MIB1: variants seen among roughly 807,000 people sequenced by gnomAD.
The protein encoded by MIB1 is MIB E3 ubiquitin protein ligase 1.
Under a neutral mutation model 124.5 loss-of-function variants are expected in MIB1, and 278 were observed. The observed-to-expected ratio is 2.23, with a 90% CI of 2.02 to 2.47. The LOEUF (loss-of-function observed/expected upper bound fraction) is 2.47, where lower values mean the gene tolerates loss of function less well. Among genes scored for constraint, MIB1 ranks in the 30% most tolerant of loss-of-function variants. The probability of loss-of-function intolerance (pLI) is 0.00; values close to 1 mark genes in which losing one functional copy is unlikely to be tolerated. For synonymous variants in MIB1, 446 were observed against 429.4 expected, an observed-to-expected ratio of 1.04 and a Z score of -0.48; for missense variants, 957 against 1,254.4, an observed-to-expected ratio of 0.76 and a Z score of 3.58.
rs376984910 is a variant in MIB1, at chr18:21,734,562, T to C, written n.167+29439T>C. On this transcript the variant is annotated intron_variant and non_coding_transcript_variant, in intron 1 of 20. Coordinates refer to the MIB1 transcript ENST00000578646. ...TTCTTTCTTTCTCACAGAGGCTTGC[T>C]CTGTCACCCAGGCTGGAGTGCAGTG... 1.6e-4 allele frequency among the ~76,000 whole-genome samples: 25 copies of C among 151,900 alleles called. No individual in the cohort carries two copies. The Middle Eastern group carries it at 0.017, about 103-fold the overall frequency.
intron 4 of MIB1, 54 bp from the exon 5 acceptor site, chr18:21,778,049 C>T (rs2146423819): frequency 8.3e-7 from 1 of 1,207,714 alleles, no homozygotes; most frequent in Non-Finnish European, 1.2e-6. Context: ...GTTTCAGATA[C>T]TGAGCCATAT....
At chr18:21,863,364 C>T (rs1214761396) in intron 20 of MIB1, among the ~76,000 whole-genome samples, 1 of 152,158 alleles carries the variant, frequency 6.6e-6, no homozygotes, top group African/African-American at 2.4e-5. Flanking sequence ...TCGGTGTGTC[C>T]CGAGCTCTTG....
intron 12 of MIB1, among the ~76,000 whole-genome samples, chr18:21,821,967 C>G (rs1222010947): frequency 6.6e-6 from 1 of 152,174 alleles, no homozygotes; most frequent in African/African-American, 2.4e-5. Flanking sequence ...ATGTGCACTT[C>G]TGTCTTTCTC....
chr18:21,711,667 G>C (rs1233100953), intron 1 of MIB1, among the ~76,000 whole-genome samples: 3 of 152,088 alleles, frequency 2.0e-5, no homozygotes, highest in African/African-American at 7.2e-5. Context: ...CTCACGACTT[G>C]TGTCACTTTG....
intron 1 of MIB1, among the ~76,000 whole-genome samples, chr18:21,708,783 A>C (rs1324543636): frequency 6.6e-6 from 1 of 152,228 alleles, no homozygotes; most frequent in Non-Finnish European, 1.5e-5. Context: ...GGATCCAATC[A>C]TAATAATACT....
chr18:21,752,632 T>A (rs1409523813), intron 1 of MIB1, among the ~76,000 whole-genome samples: 4 of 152,204 alleles, frequency 2.6e-5, no homozygotes, highest in Non-Finnish European at 4.4e-5. Flanking sequence ...AATTATAGTA[T>A]GTATTAATGA....
At chr18:21,756,981 A>G (rs1271241451) in intron 1 of MIB1, among the ~76,000 whole-genome samples, 2 of 152,170 alleles carry the variant, frequency 1.3e-5, no homozygotes, top group Admixed American at 6.5e-5. Context: ...CAGAAAAGGT[A>G]TGAAGGAGTT....
At chr18:21,830,826 A>G (rs2041972322) in intron 12 of MIB1, 1 of 152,108 alleles carries the variant, frequency 6.6e-6, no homozygotes, top group Admixed American at 6.6e-5. Flanking sequence ...ACAAACGAGC[A>G]AACAAAAAAC....
Position 21,796,990 on chromosome 18 carries a change from G to A in MIB1, c.1093-1094G>A, listed in dbSNP as rs753412883. The stretch of plus-strand genomic sequence containing the variant: ...AAAAACATGTACTTGTGGACTTTAT[G>A]TGGATCTTGATTTAAACAAACAAAA... On this transcript the variant is annotated intron_variant, in intron 7 of 20. Coordinates refer to ENST00000261537, the MANE Select transcript of MIB1 (RefSeq NM_020774.4). Among the ~76,000 whole-genome samples the A allele has an allele frequency of 3.3e-5, 5 of 152,120 alleles. 1 individual carries two copies. In the South Asian group the frequency reaches 6.2e-4, roughly 19 times the overall value.
intron 20 of MIB1, among the ~76,000 whole-genome samples, chr18:21,859,028 C>T (rs1941970): frequency 0.99 from 150,370 of 152,350 alleles, 74,249 homozygotes; most frequent in East Asian, 1. Context: ...AGAAACACTT[C>T]GGAAGACAGT....
At chr18:21,851,409 T>C (rs2042178957) in intron 17 of MIB1, among the ~76,000 whole-genome samples, 1 of 152,154 alleles carries the variant, frequency 6.6e-6, no homozygotes, top group Non-Finnish European at 1.5e-5. Context: ...GAAAGTTTTA[T>C]AATTTATAAT....
upstream of MIB1, among the ~76,000 whole-genome samples, chr18:21,737,818 A>G (rs145104020): frequency 6.0e-3 from 917 of 152,356 alleles, 18 homozygotes; most frequent in African/African-American, 0.021. Flanking sequence ...CAATGCAACA[A>G]GAAGAGCTAA....
intron 10 of MIB1, among the ~76,000 whole-genome samples, chr18:21,806,592 G>A (rs563097200): frequency 6.6e-6 from 1 of 151,414 alleles, no homozygotes; most frequent in East Asian, 1.9e-4. Context: ...AGTCTTGGTA[G>A]TCTAGATATT....
intron 10 of MIB1, among the ~76,000 whole-genome samples, chr18:21,807,765 G>A (rs899040877): frequency 6.6e-6 from 1 of 152,158 alleles, no homozygotes; most frequent in Non-Finnish European, 1.5e-5. Context: ...AGTTAATTTT[G>A]CAGATGCACT....
At chr18:21,727,658 G>A (rs1227903025) in intron 1 of MIB1, among the ~76,000 whole-genome samples, 1 of 152,168 alleles carries the variant, frequency 6.6e-6, no homozygotes, top group East Asian at 1.9e-4. Flanking sequence ...TAAGTACTTG[G>A]GAGGCTGAGG....
At chr18:21,757,487 C>CTT (rs749427675) in intron 1 of MIB1, among the ~76,000 whole-genome samples, 9 of 84,346 alleles carry the variant, frequency 1.1e-4, no homozygotes, top group African/African-American at 2.7e-4. Flanking sequence ...AAAAGACAGT[C>CTT]TTTTTTTTTT....
intron 9 of MIB1, among the ~76,000 whole-genome samples, chr18:21,801,562 C>T (rs971052830): frequency 1.3e-5 from 2 of 152,130 alleles, no homozygotes; most frequent in East Asian, 3.8e-4. Context: ...ATACCACCCA[C>T]GTAGTCCACA....
intron 1 of MIB1, among the ~76,000 whole-genome samples, chr18:21,724,756 A>ATATATATG (rs2040733386): frequency 9.5e-6 from 1 of 104,844 alleles, no homozygotes; most frequent in Non-Finnish European, 1.9e-5. Context: ...ATATATATAT[A>ATATATATG]TATATATATA....
chr18:21,839,418 A>T (rs1161533118), intron 13 of MIB1, among the ~76,000 whole-genome samples: 1 of 152,208 alleles, frequency 6.6e-6, no homozygotes, highest in Non-Finnish European at 1.5e-5. Context: ...TGCCTTATAG[A>T]AAGTCTTGAA....
Sources: gnomAD v4.1 joint callset for allele counts (sites outside exome capture counted in the v4.1 genomes callset) on GRCh38, gnomAD v4.1.1 for gene constraint, MANE v1.5 for transcripts, NCBI Gene and HGNC (gene_info 2026-07-23, HGNC 2026-07-21) for gene names.